Variants in FEM1C observed in about 807,000 individuals in gnomAD.
FEM1C encodes protein fem-1 homolog C.
FEM1C carries 15 observed loss-of-function variants against 37.6 expected under a neutral mutation model. The observed-to-expected ratio is 0.40, with a 90% CI of 0.27 to 0.61. The LOEUF (loss-of-function observed/expected upper bound fraction) is 0.61, where lower values mean the gene tolerates loss of function less well. Among genes scored for constraint, FEM1C ranks in the 20% least tolerant of loss-of-function variants. The pLI is 0.42. For synonymous variants in FEM1C, 287 were observed against 272.8 expected, an observed-to-expected ratio of 1.05 and a Z score of -0.51; for missense variants, 532 against 749.7, an observed-to-expected ratio of 0.71 and a Z score of 3.39.
intron 2 of FEM1C, among the ~76,000 whole-genome samples, chr5:115,535,886 T>A (rs1205936770): frequency 6.6e-6 from 1 of 151,886 alleles, no homozygotes; most frequent in Non-Finnish European, 1.5e-5. Flanking sequence ...TATTCTGCAA[T>A]AAAAAGAAAA....
At chr5:115,539,522 T>C (rs1387970291) in intron 2 of FEM1C, among the ~76,000 whole-genome samples, 1 of 152,052 alleles carries the variant, frequency 6.6e-6, no homozygotes, top group East Asian at 1.9e-4. Flanking sequence ...ACTGAAGAGG[T>C]ATTCCTAAAT....
rs889652796 is a variant in FEM1C at position 115,523,542 on chromosome 5, T to C, written c.*766A>G. The stretch of plus-strand genomic sequence containing the variant: ...TCTGTTTCCCAAATTTAGCACACAA[T>C]AATTTCAGTGGATTAGAGAAAGAAA... On this transcript the variant is annotated 3_prime_UTR_variant, in exon 3 of 3. Coordinates refer to ENST00000274457, the MANE Select transcript of FEM1C (RefSeq NM_020177.3). 6.6e-6 allele frequency: 1 copy of C among 152,450 alleles called. No individual in the cohort carries two copies. The highest frequency in any genetic ancestry group is 1.5e-5 in the Non-Finnish European group (1 of 67,974). 9.4% of individuals were successfully genotyped at this position (152,450 alleles called of 1,614,324 possible).
At position 115,524,255 on chromosome 5, in the gene FEM1C, G is replaced by A. The variant is rs1421503604; in HGVS notation, c.*53C>T. ...TGTTATCACAACAGTGCTCATTTAT[G>A]AAACAACTGTTACCAATTCGTGCTT... is the stretch of plus-strand genomic sequence containing the variant. On this transcript the variant is annotated 3_prime_UTR_variant, in exon 3 of 3. Transcript: ENST00000274457. The A allele has an allele frequency of 2.7e-6, 4 of 1,455,544 alleles. No homozygotes were observed. Among genetic ancestry groups the A allele is most frequent in the East Asian group, 2.3e-5 (1 of 43,826 alleles). The allele number at this position is 1,455,544 out of a possible 1,614,324, so 90.2% of individuals were successfully genotyped here.
chr5:115,525,653 T>C (rs997983492), intron 2 of FEM1C, 36 bp from the exon 3 acceptor site: 10 of 1,499,920 alleles, frequency 6.7e-6, no homozygotes, highest in South Asian at 3.6e-5. Context: ...ATAACATACA[T>C]TGAGGGACCA....
At position 115,543,119 on chromosome 5, in the gene FEM1C, G is replaced by A. The variant is rs201126135; in HGVS notation, c.375C>T (p.Phe125=). The A allele has an allele frequency of 3.0e-5, 48 of 1,614,152 alleles. No individual in the cohort carries two copies. The highest frequency in any genetic ancestry group is 3.7e-5 in the Non-Finnish European group (44 of 1,180,034). ...TNSTPLRAAC[F]DGHLEIVKYL... is the part of the protein sequence containing the mutation. The stretch of plus-strand genomic sequence containing the variant: ...ACTTCACTATTTCCAAATGGCCATC[G>A]AAACACGCAGCTCGAAGAGGAGTTG... Residue 125 remains phenylalanine, a synonymous_variant, in exon 2 of 3, where the codon TTC becomes TTT. Transcript: ENST00000274457.
At chr5:115,528,807 C>T (rs1436875644) in intron 2 of FEM1C, among the ~76,000 whole-genome samples, 3 of 152,084 alleles carry the variant, frequency 2.0e-5, no homozygotes, top group Non-Finnish European at 4.4e-5. Context: ...TTTATCAACA[C>T]AGATTTTCAA....
chr5:115,526,582 T>C (rs140887361), intron 2 of FEM1C, among the ~76,000 whole-genome samples: 414 of 152,302 alleles, frequency 2.7e-3, no homozygotes, highest in African/African-American at 8.2e-3. Flanking sequence ...TAGCTAAGTT[T>C]AATGATAAAC....
intron 2 of FEM1C, among the ~76,000 whole-genome samples, chr5:115,528,514 T>TA: frequency 6.6e-6 from 1 of 152,236 alleles, no homozygotes; most frequent in Non-Finnish European, 1.5e-5. Context: ...TAACTGCAAA[T>TA]AGACTAGCTA....
chr5:115,542,968 T>G lies in FEM1C; in HGVS notation c.526A>C (p.Asn176His), dbSNP rs770682222. Residue 176 changes from asparagine (N) to histidine (H), a missense_variant, in exon 2 of 3, where the codon AAT becomes CAT. Asn to His is a moderately conservative substitution (Grantham distance 68). Transcript: ENST00000274457. ...QYLLEKGADVNRKSVKGNTAL... is the reference protein window; with the variant it reads ...QYLLEKGADVHRKSVKGNTAL... ...AACTCACCTTTGACACTTTTTCTATTAACATCTGCCCCCTTTTCAAGTAAA... is the reference window on the plus strand; with the variant it reads ...AACTCACCTTTGACACTTTTTCTATGAACATCTGCCCCCTTTTCAAGTAAA... 6.2e-7 allele frequency: 1 copy of G among 1,611,700 alleles called. No homozygotes were observed. Among genetic ancestry groups the G allele is most frequent in the Non-Finnish European group, 8.5e-7 (1 of 1,178,502 alleles).
chr5:115,525,787 G>T (rs575506738), intron 2 of FEM1C, among the ~76,000 whole-genome samples, 170 bp from the exon 3 acceptor site: 1 of 152,186 alleles, frequency 6.6e-6, no homozygotes, highest in East Asian at 1.9e-4. Context: ...CCTAAAACTA[G>T]TATCTGATAT....
Position 115,525,642 on chromosome 5 carries a change from AATAAC to A in FEM1C, c.545-30_545-26del, listed in dbSNP as rs753300328. 2.5e-6 allele frequency: 4 copies of A among 1,573,330 alleles called. No homozygotes were observed. The South Asian group carries it at 4.6e-5, about 18-fold the overall frequency. On this transcript the variant is annotated intron_variant, in intron 2 of 2. Coordinates refer to ENST00000274457, the MANE Select transcript of FEM1C (RefSeq NM_020177.3). ...CCTTAAAGAGAGAGAGAAAAAAAGA[AATAAC>A]ATACATTGAGGGACCAAAATATAAT...
Position 115,524,574 on chromosome 5 carries a change from T to C in FEM1C, c.1588A>G (p.Ser530Gly), listed in dbSNP as rs1753845216. Residue 530 changes from serine to glycine, a missense_variant, in exon 3 of 3, where the codon AGT (serine) becomes GGT (glycine). Ser to Gly is a moderately conservative substitution (Grantham distance 56). Around this residue, in one of 3 missense-constraint regions of FEM1C, gnomAD observed 237 missense variants for 260.5 expected, o/e 0.91. Transcript: ENST00000274457. ...DVNVRDSDDN[S>G]PLHIAALNNH... is the part of the protein sequence containing the mutation. ...TTAAGAGCAGCGATATGCAGGGGAC[T>C]GTTGTCATCCGAGTCTCTGACGTTC... 2 of 1,612,986 alleles carry C rather than the reference T, an allele frequency of 1.2e-6. No individual in the cohort carries two copies. The highest frequency in any genetic ancestry group is 2.2e-5 in the East Asian group (1 of 44,868).
At chr5:115,535,111 T>C (rs1754097544) in intron 2 of FEM1C, among the ~76,000 whole-genome samples, 2 of 151,996 alleles carry the variant, frequency 1.3e-5, no homozygotes, top group African/African-American at 4.8e-5. Flanking sequence ...CAAAGTTTCA[T>C]CCATGGAAAA....
chr5:115,534,965 T>C (rs1232230483), intron 2 of FEM1C, among the ~76,000 whole-genome samples: 1 of 151,938 alleles, frequency 6.6e-6, no homozygotes, highest in Admixed American at 6.6e-5. Flanking sequence ...TCAAGTCATA[T>C]GAACATAAAT....
Position 115,524,277 on chromosome 5 carries a change from G to T in FEM1C, c.*31C>A. On this transcript the variant is annotated 3_prime_UTR_variant, in exon 3 of 3. Transcript: ENST00000274457. ...TATGAAACAACTGTTACCAATTCGT[G>T]CTTTAACAGTGCTAAAATACAGTCA... 6.4e-7 allele frequency: 1 copy of T among 1,565,446 alleles called. No individual in the cohort carries two copies. Among genetic ancestry groups the T allele is most frequent in the Non-Finnish European group, 8.8e-7 (1 of 1,137,776 alleles).
rs144343811 is a variant in FEM1C, at chr5:115,524,115, A to G, written c.*193T>C. On this transcript the variant is annotated 3_prime_UTR_variant, in exon 3 of 3. Transcript: ENST00000274457. ...CATTTCTCAATAATTCACAAACAAT[A>G]TATTATATGGTATATTTATATTAAA... The G allele has an allele frequency of 1.4e-3, 740 of 526,036 alleles. 17 individuals carry two copies. In the East Asian group the frequency reaches 0.023, roughly 17 times the overall value. The allele number at this position is 526,036 out of a possible 1,614,324, so 32.6% of individuals were successfully genotyped here.
chr5:115,524,427 G>T lies in FEM1C; in HGVS notation c.1735C>A (p.Gln579Lys). ...TGCAATGTGGTATGATTTATAGGCTGGATTAAATTTTTAGCTATTTCCTTC... is the reference window on the plus strand; with the variant it reads ...TGCAATGTGGTATGATTTATAGGCTTGATTAAATTTTTAGCTATTTCCTTC... ...DEKEIAKNLIQPINHTTLQCL... is the reference protein window; with the variant it reads ...DEKEIAKNLIKPINHTTLQCL... Residue 579 changes from glutamine (Q) to lysine (K), a missense_variant, in exon 3 of 3, where the codon CAG becomes AAG. This residue lies in a region of FEM1C where 237 missense variants were observed against 260.5 expected (regional missense o/e 0.91). Coordinates refer to ENST00000274457, the MANE Select transcript of FEM1C (RefSeq NM_020177.3). The T allele has an allele frequency of 6.2e-7, 1 of 1,613,392 alleles. No individual in the cohort carries two copies. Among genetic ancestry groups the T allele is most frequent in the Non-Finnish European group, 8.5e-7 (1 of 1,179,672 alleles).
chr5:115,526,024 TG>T (rs1281449928), intron 2 of FEM1C, among the ~76,000 whole-genome samples: 1 of 152,032 alleles, frequency 6.6e-6, no homozygotes, highest in East Asian at 1.9e-4. Context: ...AACAAGGAAT[TG>T]GTCTTTTTTT....
intron 2 of FEM1C, among the ~76,000 whole-genome samples, chr5:115,538,651 C>T (rs1271616345): frequency 2.0e-5 from 3 of 151,916 alleles, no homozygotes; most frequent in Admixed American, 6.6e-5. Context: ...CAGTTAGTCC[C>T]CTGCTGAAAA....
Sources: allele counts gnomAD v4.1 joint callset (sites outside exome capture counted in the v4.1 genomes callset), GRCh38; gene constraint gnomAD v4.1.1; regional missense constraint gnomAD v4.1.1; transcripts MANE v1.5; gene names NCBI Gene and HGNC (gene_info 2026-07-23, HGNC 2026-07-21).